SRSF2: variants seen among roughly 807,000 people sequenced by gnomAD.
SRSF2 encodes the protein serine/arginine-rich splicing factor 2.
In SRSF2, 4 loss-of-function variants were observed where a neutral mutation model predicts 15.7. The ratio of observed to expected loss-of-function variants is 0.26; its 90% CI spans 0.13 to 0.58. The LOEUF (loss-of-function observed/expected upper bound fraction) is 0.58, where lower values mean the gene tolerates loss of function less well. Among genes scored for constraint, SRSF2 ranks in the 20% least tolerant of loss-of-function variants. The pLI is 0.90. For missense variants in SRSF2, 147 were observed against 332.4 expected, an observed-to-expected ratio of 0.44 and a Z score of 4.34; for synonymous variants, 192 against 138.9, an observed-to-expected ratio of 1.38 and a Z score of -2.69.
At chr17:76,736,495 T>C in intron 1 of SRSF2, 31 bp from the exon 2 acceptor site, 2 of 1,600,560 alleles carry the variant, frequency 1.2e-6, no homozygotes, top group Non-Finnish European at 1.7e-6. Flanking sequence ...CACAGCGGGG[T>C]TAATTCCAGG....
intron 1 of SRSF2, 33 bp from the exon 2 acceptor site, chr17:76,736,497 A>C: frequency 6.3e-7 from 1 of 1,597,978 alleles, no homozygotes; most frequent in Non-Finnish European, 8.5e-7. Flanking sequence ...CAGCGGGGTT[A>C]ATTCCAGGCA....
rs756685331 is a variant in SRSF2, at chr17:76,737,274, G to C, written c.-114C>G. 7.2e-7 allele frequency: 1 copy of C among 1,392,614 alleles called. No homozygotes were observed. 86.3% of individuals were successfully genotyped at this position (1,392,614 alleles called of 1,614,324 possible). ...CTTCCGCGTGGGGACACTGGGAAAGGCCTTGCCGCAGAACAGCACGGACGG... is the reference window on the plus strand; with the variant it reads ...CTTCCGCGTGGGGACACTGGGAAAGCCCTTGCCGCAGAACAGCACGGACGG... On this transcript the variant is annotated 5_prime_UTR_variant, in exon 1 of 3. Coordinates refer to ENST00000359995, the MANE Select transcript of SRSF2 (RefSeq NM_001195427.2).
intron 2 of SRSF2, chr17:76,735,946 A>C: frequency 1.6e-6 from 1 of 627,426 alleles, no homozygotes; most frequent in Non-Finnish European, 2.8e-6. Flanking sequence ...ATAGGTCTCA[A>C]ACAGTTTACG....
In SRSF2 at chr17:76,736,874, G is replaced by A. The variant is rs1462503794; in HGVS notation, c.287C>T (p.Pro96Leu). The A allele has an allele frequency of 1.2e-6, 2 of 1,610,688 alleles. No individual in the cohort carries two copies. The highest frequency in any genetic ancestry group is 1.3e-5 in the African/African-American group (1 of 74,866). ...RVQMARYGRP[P>L]DSHHSRRGPP... ...TCCCCGGCGGCTGTGGTGTGAGTCC[G>A]GGGGGCGGCCGTAGCGCGCCATTTG... The change falls in exon 1 of 3, where the codon CCG becomes CTG. Residue 96 changes from proline to leucine, a missense_variant. This residue lies in a region of SRSF2 where 125 missense variants were observed against 185.1 expected (regional missense o/e 0.68). Coordinates refer to ENST00000359995, the MANE Select transcript of SRSF2 (RefSeq NM_001195427.2).
At position 76,737,294 on chromosome 17, in the gene SRSF2, G is replaced by T. The variant is rs150381051; in HGVS notation, c.-134C>A. 7 of 1,265,902 alleles carry T rather than the reference G, an allele frequency of 5.5e-6. No homozygotes were observed. Among genetic ancestry groups the T allele is most frequent in the African/African-American group, 3.0e-5 (2 of 66,176 alleles). The allele number at this position is 1,265,902 out of a possible 1,614,324, so 78.4% of individuals were successfully genotyped here. ...GAAAGGCCTTGCCGCAGAACAGCAC[G>T]GACGGGCTCCGCAGGCTAGCGCACC... On this transcript the variant is annotated 5_prime_UTR_variant, in exon 1 of 3. Transcript: ENST00000359995.
intron 1 of SRSF2, 30 bp downstream of exon 1, chr17:76,736,769 G>A: frequency 3.6e-6 from 5 of 1,393,932 alleles, no homozygotes; most frequent in Non-Finnish European, 3.7e-6. Context: ...GCCCCGCCCC[G>A]CCTCCCGCGG....
Position 76,735,109 on chromosome 17 carries a change from ATG to A in SRSF2, c.*55_*56del, listed in dbSNP as rs2077395587. On this transcript the variant is annotated 3_prime_UTR_variant, in exon 3 of 3. Transcript: ENST00000359995. ...TCCAAGGACTCTTCTTCGATGGACT[ATG>A]TGGTCCTTTTTCCCCAAGTCCTCCG... 4.6e-6 allele frequency: 1 copy of A among 219,456 alleles called. No individual in the cohort carries two copies. The highest frequency in any genetic ancestry group is 6.7e-5 in the East Asian group (1 of 14,872). The allele number at this position is 219,456 out of a possible 1,614,324, so 13.6% of individuals were successfully genotyped here.
rs1000715601 is a variant in SRSF2 at position 76,736,918 on chromosome 17, G to A, written c.243C>T (p.Asp81=). ...AMDAMDGAVL[D]GRELRVQMAR... is the part of the protein sequence containing the mutation. The stretch of plus-strand genomic sequence containing the variant: ...CCATTTGCACCCGCAGCTCGCGGCC[G>A]TCCAGCACGGCCCCGTCCATGGCAT... The change falls in exon 1 of 3, where the codon GAC becomes GAT. Residue 81 remains aspartate, a synonymous_variant. Coordinates refer to ENST00000359995, the MANE Select transcript of SRSF2 (RefSeq NM_001195427.2). 1.2e-6 allele frequency: 2 copies of A among 1,612,824 alleles called. No individual in the cohort carries two copies. The highest frequency in any genetic ancestry group is 8.5e-7 in the Non-Finnish European group (1 of 1,179,856).
At position 76,737,323 on chromosome 17, in the gene SRSF2, G is replaced by C. The variant is rs933213767; in HGVS notation, c.-163C>G. The C allele has an allele frequency of 4.3e-6, 4 of 920,326 alleles. No individual in the cohort carries two copies. The highest frequency in any genetic ancestry group is 6.2e-6 in the Non-Finnish European group (4 of 641,282). 57.0% of individuals were successfully genotyped at this position (920,326 alleles called of 1,614,324 possible). On this transcript the variant is annotated 5_prime_UTR_variant, in exon 1 of 3. Transcript: ENST00000359995. ...GGGCTCCGCAGGCTAGCGCACCTGA[G>C]TAACAACTGGGCGGGCAGCCGGCCT...
Position 76,736,309 on chromosome 17 carries a change from G to A in SRSF2, c.518C>T (p.Ser173Phe). 1 of 1,614,000 alleles carries A rather than the reference G, an allele frequency of 6.2e-7. No individual in the cohort carries two copies. The part of the protein sequence containing the change: ...SRSARRSKSK[S>F]SSVSRSRSRS... Reference sequence around the variant, plus strand: ...CGAACGAGATCTGGAGACCGACGAGGACTTGGACTTGGACCTTCGTGCGGA... The same window carrying A: ...CGAACGAGATCTGGAGACCGACGAGAACTTGGACTTGGACCTTCGTGCGGA... The change falls in exon 2 of 3, where the codon TCC becomes TTC. Residue 173 changes from serine (S) to phenylalanine (F), a missense_variant. Physicochemically the swap from Ser to Phe is radical, Grantham distance 155. Transcript: ENST00000359995.
At position 76,735,116 on chromosome 17, in the gene SRSF2, C is replaced by T. The variant is rs2077395735; in HGVS notation, c.*50G>A. 1 of 219,464 alleles carries T rather than the reference C, an allele frequency of 4.6e-6. No individual in the cohort carries two copies. Among genetic ancestry groups the T allele is most frequent in the Middle Eastern group, 1.4e-3 (1 of 706 alleles). The allele number at this position is 219,464 out of a possible 1,614,324, so 13.6% of individuals were successfully genotyped here. The stretch of plus-strand genomic sequence containing the variant: ...ACTCTTCTTCGATGGACTATGTGGT[C>T]CTTTTTCCCCAAGTCCTCCGTTTAC... On this transcript the variant is annotated 3_prime_UTR_variant, in exon 3 of 3. Coordinates refer to ENST00000359995, the MANE Select transcript of SRSF2 (RefSeq NM_001195427.2).
chr17:76,736,257 C>T lies in SRSF2; in HGVS notation c.570G>A (p.Arg190=). 1 of 1,614,184 alleles carries T rather than the reference C, an allele frequency of 6.2e-7. No homozygotes were observed. The highest frequency in any genetic ancestry group is 1.3e-5 in the African/African-American group (1 of 75,046). Residue 190 remains arginine (R), a synonymous_variant, in exon 2 of 3, where the codon AGG becomes AGA. Coordinates refer to ENST00000359995, the MANE Select transcript of SRSF2 (RefSeq NM_001195427.2). ...CCCTCTTGGACACTGGGGGAGGACT[C>T]CTGGACCGAGACCGGGACCTGGACC... The part of the protein sequence containing the change: ...RSRSRSRSRS[R]SPPPVSKRES...
chr17:76,736,729 C>G (rs2077515169), intron 1 of SRSF2, 70 bp downstream of exon 1: 3 of 1,378,976 alleles, frequency 2.2e-6, no homozygotes, highest in Middle Eastern at 2.7e-4. Context: ...TCGCCGCGGA[C>G]CTTTGTGAGG....
chr17:76,736,284 C>G lies in SRSF2; in HGVS notation c.543G>C (p.Ser181=), dbSNP rs1440028588. 2.5e-6 allele frequency: 4 copies of G among 1,614,056 alleles called. No homozygotes were observed. In the African/African-American group the frequency reaches 5.3e-5, roughly 22 times the overall value. The change falls in exon 2 of 3, where the codon TCG becomes TCC. Residue 181 remains serine (S), a synonymous_variant. Coordinates refer to ENST00000359995, the MANE Select transcript of SRSF2 (RefSeq NM_001195427.2). ...TGGACCGAGACCGGGACCTGGACCGCGAACGAGATCTGGAGACCGACGAGG... is the reference window on the plus strand; with the variant it reads ...TGGACCGAGACCGGGACCTGGACCGGGAACGAGATCTGGAGACCGACGAGG... ...SKSSSVSRSR[S]RSRSRSRSRS... is the part of the protein sequence containing the mutation.
chr17:76,736,580 C>T (rs770680008), intron 1 of SRSF2, 116 bp from the exon 2 acceptor site: 5 of 1,287,888 alleles, frequency 3.9e-6, no homozygotes, highest in African/African-American at 1.5e-5. Context: ...TTTCCCCAGT[C>T]GCGAGGCGGG....
rs910340182 is a variant in SRSF2 at position 76,736,667 on chromosome 17, G to A, written c.362+132C>T. ...CGGAAGCTCGCGGGGTGGCCGGAGG[G>A]TCGCGAGACGCGGCGTGCACCCCCG... On this transcript the variant is annotated intron_variant, in intron 1 of 2. Coordinates refer to ENST00000359995, the MANE Select transcript of SRSF2 (RefSeq NM_001195427.2). 1.5e-4 allele frequency: 181 copies of A among 1,217,360 alleles called. 1 individual carries two copies. The Admixed American group carries it at 3.6e-3, about 25-fold the overall frequency. The allele number at this position is 1,217,360 out of a possible 1,614,324, so 75.4% of individuals were successfully genotyped here.
Position 76,736,864 on chromosome 17 carries a change from G to A in SRSF2, c.297C>T (p.His99=). ...GGGGTGGCGGTCCCCGGCGGCTGTG[G>A]TGTGAGTCCGGGGGGCGGCCGTAGC... ...MARYGRPPDS[H]HSRRGPPPRR... Residue 99 remains histidine (H), a synonymous_variant, in exon 1 of 3, where the codon CAC becomes CAT. Coordinates refer to ENST00000359995, the MANE Select transcript of SRSF2 (RefSeq NM_001195427.2). 2 of 1,610,098 alleles carry A rather than the reference G, an allele frequency of 1.2e-6. No individual in the cohort carries two copies. Among genetic ancestry groups the A allele is most frequent in the Non-Finnish European group, 1.7e-6 (2 of 1,178,750 alleles).
Position 76,736,256 on chromosome 17 carries a change from TCCTGGACCGAGACCGGGA to T in SRSF2, c.553_570del (p.Arg186_Ser191del). 1 of 1,614,112 alleles carries T rather than the reference TCCTGGACCGAGACCGGGA, an allele frequency of 6.2e-7. No individual in the cohort carries two copies. Among genetic ancestry groups the T allele is most frequent in the African/African-American group, 1.3e-5 (1 of 75,018 alleles). On this transcript the variant is annotated inframe_deletion, in exon 2 of 3. Transcript: ENST00000359995. Reference sequence around the variant, plus strand: ...TCCCTCTTGGACACTGGGGGAGGACTCCTGGACCGAGACCGGGACCTGGACCGCGAACGAGATCTGGAG... The same window carrying T: ...TCCCTCTTGGACACTGGGGGAGGACTCCTGGACCGCGAACGAGATCTGGAG...
rs567186340 is a variant in SRSF2, at chr17:76,737,241, G to A, written c.-81C>T. On this transcript the variant is annotated 5_prime_UTR_variant, in exon 1 of 3. Transcript: ENST00000359995. ...GGCGGTGCGACGCCGCGCCTCTCAG[G>A]CAGTTGCCTTCCGCGTGGGGACACT... is the stretch of plus-strand genomic sequence containing the variant. The A allele has an allele frequency of 7.6e-4, 1,107 of 1,455,512 alleles. No individual in the cohort carries two copies. Among genetic ancestry groups the A allele is most frequent in the Non-Finnish European group, 9.3e-4 (1,021 of 1,098,470 alleles). 90.2% of individuals were successfully genotyped at this position (1,455,512 alleles called of 1,614,324 possible).
Sources: gnomAD v4.1 joint callset for allele counts on GRCh38, gnomAD v4.1.1 for gene constraint, gnomAD v4.1.1 regional missense constraint, MANE v1.5 for transcripts, NCBI Gene and HGNC (gene_info 2026-07-23, HGNC 2026-07-21) for gene names.